MGST3: variants seen among roughly 807,000 people sequenced by gnomAD.
MGST3 encodes the protein microsomal glutathione S-transferase 3.
In MGST3, 13 loss-of-function variants were observed where a neutral mutation model predicts 15.8. That is an observed-to-expected ratio of 0.82 (90% CI 0.54 to 1.31). The LOEUF (loss-of-function observed/expected upper bound fraction) is 1.31. Ranked by LOEUF, MGST3 falls within the 50% of genes most tolerant of loss-of-function variation. The pLI is 0.00. For synonymous variants in MGST3, 49 were observed against 68.1 expected (o/e 0.72, Z 1.38); for missense variants, 155 against 192.4 (o/e 0.81, Z 1.15).
chr1:165,646,777 CCAGA>C (rs1648416485), intron 1 of MGST3: 1 of 152,238 alleles, frequency 6.6e-6, no homozygotes, highest in Admixed American at 6.5e-5. Context: ...ATGGAAGATG[CCAGA>C]CAAACGTGGT....
chr1:165,644,195 G>C (rs925523153), intron 1 of MGST3, among the ~76,000 whole-genome samples: 1 of 152,146 alleles, frequency 6.6e-6, no homozygotes, highest in Non-Finnish European at 1.5e-5. Context: ...GATATGTTCT[G>C]AGAAATGTGT....
At chr1:165,637,915 G>A (rs1259026699) in intron 1 of MGST3, among the ~76,000 whole-genome samples, 1 of 152,060 alleles carries the variant, frequency 6.6e-6, no homozygotes, top group South Asian at 2.1e-4. Flanking sequence ...GCTAACTCTG[G>A]CTACACTGAA....
intron 1 of MGST3, 36 bp downstream of exon 1, chr1:165,631,329 G>C (rs1301542326): frequency 6.5e-6 from 1 of 153,080 alleles, no homozygotes; most frequent in South Asian, 2.1e-4. Context: ...CACGAGCACC[G>C]GGCCGCCGGG....
intron 1 of MGST3, among the ~76,000 whole-genome samples, chr1:165,637,405 T>C (rs935955822): frequency 6.6e-6 from 1 of 152,174 alleles, no homozygotes; most frequent in African/African-American, 2.4e-5. Context: ...TCAGAAGTGG[T>C]AAATTATTTG....
At chr1:165,654,027 C>T in intron 4 of MGST3, 1 of 474,258 alleles carries the variant, frequency 2.1e-6, no homozygotes, top group South Asian at 2.1e-5. Context: ...GGGATTCCTT[C>T]TATCCCACCT....
At chr1:165,654,995 G>T (rs1003503074) in intron 5 of MGST3, among the ~76,000 whole-genome samples, 1 of 152,204 alleles carries the variant, frequency 6.6e-6, no homozygotes, top group South Asian at 2.1e-4. Context: ...AGTAAACTAG[G>T]AATCAAACCC....
chr1:165,641,839 G>A (rs1209008229), intron 1 of MGST3, among the ~76,000 whole-genome samples: 2 of 152,168 alleles, frequency 1.3e-5, no homozygotes, highest in African/African-American at 2.4e-5. Context: ...TCCACTAGGA[G>A]TAAAAACATT....
intron 1 of MGST3, chr1:165,637,247 A>G (rs995518519): frequency 2.6e-5 from 4 of 152,260 alleles, no homozygotes; most frequent in African/African-American, 4.8e-5. Flanking sequence ...GAGGAGAGCA[A>G]TATCATACAC....
chr1:165,647,976 A>G (rs999087314), intron 1 of MGST3: 6 of 152,228 alleles, frequency 3.9e-5, no homozygotes, highest in Admixed American at 3.9e-4. Flanking sequence ...TTTATTTTAA[A>G]TGACCTGTTT....
intron 4 of MGST3, 85 bp downstream of exon 4, chr1:165,652,120 A>G (rs563039816): frequency 1.2e-4 from 113 of 974,030 alleles, no homozygotes; most frequent in Non-Finnish European, 1.7e-4. Context: ...TAAACATTTA[A>G]TGAATATCTT....
chr1:165,640,411 G>T (rs1648231803), intron 1 of MGST3, among the ~76,000 whole-genome samples: 1 of 151,694 alleles, frequency 6.6e-6, no homozygotes, highest in Non-Finnish European at 1.5e-5. Context: ...AAAGATAGTA[G>T]TAGAATATAA....
At position 165,643,409 on chromosome 1, in the gene MGST3, G is replaced by T. The variant is rs185253024; in HGVS notation, c.-7-6432G>T. On this transcript the variant is annotated intron_variant, in intron 1 of 5. Coordinates refer to ENST00000367889, the MANE Select transcript of MGST3 (RefSeq NM_004528.4). Reference sequence around the variant, plus strand: ...TTTCTAGTAGGATTAATGAGCCAAAGAATATTAATATTAAAAAGAATATTA... The same window carrying T: ...TTTCTAGTAGGATTAATGAGCCAAATAATATTAATATTAAAAAGAATATTA... Among the ~76,000 whole-genome samples the T allele has an allele frequency of 2.5e-3, 374 of 152,106 alleles. 2 individuals are homozygous for T. Among genetic ancestry groups the T allele is most frequent in the African/African-American group, 7.7e-3 (321 of 41,500 alleles).
At chr1:165,639,567 CTGAGGCAGGTGGACTGCT>C (rs1204278885) in intron 1 of MGST3, among the ~76,000 whole-genome samples, 3 of 152,184 alleles carry the variant, frequency 2.0e-5, no homozygotes, top group Admixed American at 6.5e-5. Context: ...CTTTGGGAGG[CTGAGGCAGGTGGACTGCT>C]TGAGGTCAGG....
intron 4 of MGST3, chr1:165,654,063 TC>T: frequency 1.8e-6 from 1 of 548,880 alleles, no homozygotes; most frequent in Non-Finnish European, 3.3e-6. Context: ...AATACTCATC[TC>T]CCAGGTCCAC....
At chr1:165,649,781 T>C (rs1254240084) in intron 1 of MGST3, 60 bp from the exon 2 acceptor site, 1 of 1,611,232 alleles carries the variant, frequency 6.2e-7, no homozygotes, top group East Asian at 2.2e-5. Context: ...TCCCTAAGGC[T>C]TCACACCATG....
rs9333480 is a variant in MGST3, at chr1:165,652,182, A to G, written c.249+147A>G. On this transcript the variant is annotated intron_variant, in intron 4 of 5. Transcript: ENST00000367889. ...AGGATTTTATTCAATTATTTCTTACAGAGTTCTTTAAAGGAGATGGGATTT... is the reference window on the plus strand; with the variant it reads ...AGGATTTTATTCAATTATTTCTTACGGAGTTCTTTAAAGGAGATGGGATTT... 7.6e-3 allele frequency: 5,517 copies of G among 721,652 alleles called. 229 individuals carry two copies. The African/African-American group carries it at 0.088, about 12-fold the overall frequency. 44.7% of individuals were successfully genotyped at this position (721,652 alleles called of 1,614,324 possible).
At chr1:165,634,163 T>G in intron 1 of MGST3, among the ~76,000 whole-genome samples, 1 of 152,164 alleles carries the variant, frequency 6.6e-6, no homozygotes, top group Non-Finnish European at 1.5e-5. Context: ...ATAGAAATGT[T>G]TCAAAAGATG....
chr1:165,652,636 A>AG lies in MGST3; in HGVS notation c.249+603dup, dbSNP rs554637430. Among the ~76,000 whole-genome samples the AG allele has an allele frequency of 8.0e-4, 122 of 152,226 alleles. 1 individual carries two copies. The highest frequency in any genetic ancestry group is 9.7e-4 in the Non-Finnish European group (66 of 68,042). On this transcript the variant is annotated intron_variant, in intron 4 of 5. Coordinates refer to ENST00000367889, the MANE Select transcript of MGST3 (RefSeq NM_004528.4). Reference sequence around the variant, plus strand: ...GAGATGATAGTTAAGCAAGTATAAAAGGAGGTGAGGGAGCAGGTGCTGCAC... The same window carrying AG: ...GAGATGATAGTTAAGCAAGTATAAAAGGGAGGTGAGGGAGCAGGTGCTGCAC...
At chr1:165,653,367 A>T (rs1648616825) in intron 4 of MGST3, among the ~76,000 whole-genome samples, 1 of 152,212 alleles carries the variant, frequency 6.6e-6, no homozygotes, top group Non-Finnish European at 1.5e-5. Flanking sequence ...CTAGGTTGCC[A>T]GTCATTAGGC....
Sources: gnomAD v4.1 joint callset for allele counts (sites outside exome capture counted in the v4.1 genomes callset) on GRCh38, gnomAD v4.1.1 for gene constraint, MANE v1.5 for transcripts, NCBI Gene and HGNC (gene_info 2026-07-23, HGNC 2026-07-21) for gene names.